Variants in ITSN1 observed in about 807,000 individuals in gnomAD.
The protein encoded by ITSN1 is intersectin 1.
Under a neutral mutation model 239.8 loss-of-function variants are expected in ITSN1, and 58 were observed. The ratio of observed to expected loss-of-function variants is 0.24; its 90% CI spans 0.20 to 0.30. ITSN1 has a LOEUF of 0.30. Among genes scored for constraint, ITSN1 ranks in the 10% least tolerant of loss-of-function variants. The pLI is 1.00. For synonymous variants in ITSN1, 780 were observed against 770.8 expected, an observed-to-expected ratio of 1.01 and a Z score of -0.20; for missense variants, 1,558 against 2,103.3, an observed-to-expected ratio of 0.74 and a Z score of 5.07.
chr21:33,827,135 C>A (rs1357548012), intron 26 of ITSN1, among the ~76,000 whole-genome samples: 1 of 152,154 alleles, frequency 6.6e-6, no homozygotes, highest in African/African-American at 2.4e-5. Flanking sequence ...CACGGTGGCT[C>A]ATGCCTGTAA....
At chr21:33,716,082 T>G (rs924160957) in intron 1 of ITSN1, among the ~76,000 whole-genome samples, 3 of 152,144 alleles carry the variant, frequency 2.0e-5, no homozygotes, top group African/African-American at 7.2e-5. Flanking sequence ...ACCACCTAAG[T>G]ACCTGCAGAG....
Position 33,885,448 on chromosome 21 carries a change from A to G in ITSN1, c.4769A>G (p.Gln1590Arg). 1.2e-6 allele frequency: 2 copies of G among 1,614,126 alleles called. No homozygotes were observed. Among genetic ancestry groups the G allele is most frequent in the Non-Finnish European group, 1.7e-6 (2 of 1,179,988 alleles). The stretch of plus-strand genomic sequence containing the variant: ...TTTCCTGCCGTCATAGTCCGTTCCC[A>G]AAGGGCAACAGGCATTGGAAGGTTG... The part of the protein sequence containing the change: ...KREKAYLVRS[Q>R]RATGIGRLMV... Residue 1590 changes from glutamine to arginine, a missense_variant, in exon 38 of 40, where the codon CAA becomes CGA. This residue lies in a region of ITSN1 where 576 missense variants were observed against 893.3 expected (regional missense o/e 0.64). Coordinates refer to ENST00000381318, the MANE Select transcript of ITSN1 (RefSeq NM_003024.3).
intron 33 of ITSN1, among the ~76,000 whole-genome samples, chr21:33,873,157 G>A (rs1403276183): frequency 6.6e-6 from 1 of 152,216 alleles, no homozygotes. Context: ...GGTTGGGGTT[G>A]TTGCTTGGAA....
chr21:33,732,499 A>T (rs921211901), intron 4 of ITSN1, among the ~76,000 whole-genome samples: 1 of 152,228 alleles, frequency 6.6e-6, no homozygotes, highest in Non-Finnish European at 1.5e-5. Flanking sequence ...CTAAACAATG[A>T]ACTCTATTAA....
At chr21:33,751,969 T>A in intron 7 of ITSN1, 63 bp downstream of exon 7, 1 of 1,061,640 alleles carries the variant, frequency 9.4e-7, no homozygotes, top group South Asian at 1.3e-5. Context: ...AAATCATAAA[T>A]TTGACCATGA....
chr21:33,728,926 ATGAC>A (rs1294835244), intron 4 of ITSN1, among the ~76,000 whole-genome samples: 1 of 152,138 alleles, frequency 6.6e-6, no homozygotes, highest in African/African-American at 2.4e-5. Flanking sequence ...ATGAGAATGA[ATGAC>A]TGGATTAGTC....
intron 1 of ITSN1, among the ~76,000 whole-genome samples, chr21:33,714,756 A>G (rs886847559): frequency 1.3e-5 from 2 of 152,184 alleles, no homozygotes; most frequent in African/African-American, 4.8e-5. Context: ...ATAGGAAGGT[A>G]GAAATGCATG....
chr21:33,703,780 A>G (rs776104838), intron 1 of ITSN1, among the ~76,000 whole-genome samples: 34 of 151,714 alleles, frequency 2.2e-4, no homozygotes, highest in Non-Finnish European at 4.0e-4. Context: ...TTAAAGGGGG[A>G]AAGTGTAAGC....
chr21:33,712,598 T>A (rs1188236464), intron 1 of ITSN1, among the ~76,000 whole-genome samples: 2 of 152,230 alleles, frequency 1.3e-5, no homozygotes, highest in Non-Finnish European at 2.9e-5. Flanking sequence ...TTTTCATTAG[T>A]TCCTTTAACC....
intron 9 of ITSN1, 101 bp downstream of exon 9, chr21:33,762,087 A>C (rs1602076399): frequency 1.2e-6 from 1 of 838,914 alleles, no homozygotes; most frequent in African/African-American, 1.7e-5. Flanking sequence ...ATGGGGGAAT[A>C]TGTAGAATTT....
chr21:33,658,857 A>G (rs1354248752), intron 1 of ITSN1, among the ~76,000 whole-genome samples: 2 of 152,218 alleles, frequency 1.3e-5, no homozygotes, highest in Non-Finnish European at 2.9e-5. Context: ...GATTCCTAGC[A>G]CATAGCTTCC....
Position 33,775,088 on chromosome 21 carries a change from C to T in ITSN1, c.1576C>T (p.His526Tyr), listed in dbSNP as rs1474434707. The change falls in exon 14 of 40, where the codon CAT becomes TAT. Residue 526 changes from histidine (H) to tyrosine (Y), a missense_variant. Coordinates refer to ENST00000381318, the MANE Select transcript of ITSN1 (RefSeq NM_003024.3). ...AGAGTTGAGAATTGCCGAAATCACCCATCTACAGCAACAATTACAGGTGAG... is the reference window on the plus strand; with the variant it reads ...AGAGTTGAGAATTGCCGAAATCACCTATCTACAGCAACAATTACAGGTGAG... ...SRELRIAEIT[H>Y]LQQQLQESQQ... 6.2e-7 allele frequency: 1 copy of T among 1,613,176 alleles called. No homozygotes were observed. The highest frequency in any genetic ancestry group is 1.3e-5 in the African/African-American group (1 of 75,016).
intron 3 of ITSN1, among the ~76,000 whole-genome samples, chr21:33,722,333 GATTA>G (rs2147103844): frequency 6.6e-6 from 1 of 152,342 alleles, no homozygotes; most frequent in East Asian, 1.9e-4. Flanking sequence ...GTTAATAGCA[GATTA>G]ATTAAAGTGG....
chr21:33,874,212 G>C (rs1189717373), intron 33 of ITSN1, among the ~76,000 whole-genome samples: 2 of 151,390 alleles, frequency 1.3e-5, no homozygotes, highest in Non-Finnish European at 2.9e-5. Flanking sequence ...ATCATGGGTG[G>C]TCTGTGGTGG....
intron 20 of ITSN1, among the ~76,000 whole-genome samples, chr21:33,807,772 C>G (rs1390347333): frequency 6.6e-6 from 1 of 152,202 alleles, no homozygotes; most frequent in African/African-American, 2.4e-5. Context: ...TCCACTTGAG[C>G]CCCTAAAGGA....
chr21:33,800,227 G>A (rs2071874303), intron 19 of ITSN1, among the ~76,000 whole-genome samples: 1 of 151,758 alleles, frequency 6.6e-6, no homozygotes, highest in Non-Finnish European at 1.5e-5. Flanking sequence ...TATATACTAT[G>A]AGTATACATA....
In ITSN1 at chr21:33,811,200, A is replaced by T; in HGVS notation, c.2545A>T (p.Asn849Tyr). 1.3e-6 allele frequency: 2 copies of T among 1,597,604 alleles called. No individual in the cohort carries two copies. Among genetic ancestry groups the T allele is most frequent in the South Asian group, 1.1e-5 (1 of 90,148 alleles). Residue 849 changes from asparagine (N) to tyrosine (Y), a missense_variant, in exon 21 of 40, where the codon AAC (asparagine) becomes TAC (tyrosine). Transcript: ENST00000381318. ...TSSEPSTTPN[N>Y]WADFSSTWPT... ...TTCAGAGCCCTCCACGACCCCTAAT[A>T]ACTGGGCCGACTTCAGCTCCACGTA...
intron 34 of ITSN1, among the ~76,000 whole-genome samples, chr21:33,881,607 C>A (rs905872569): frequency 6.6e-6 from 1 of 152,128 alleles, no homozygotes; most frequent in East Asian, 1.9e-4. Context: ...CATGCACAGA[C>A]CCTGCATAGA....
At chr21:33,887,114 C>CT (rs1985920844) in intron 39 of ITSN1, among the ~76,000 whole-genome samples, 4 of 151,750 alleles carry the variant, frequency 2.6e-5, no homozygotes, top group African/African-American at 7.3e-5. Context: ...GCCCAGGAGT[C>CT]TAAGACCAGC....
Sources: gnomAD v4.1 joint callset for allele counts (sites outside exome capture counted in the v4.1 genomes callset) on GRCh38, gnomAD v4.1.1 for gene constraint, gnomAD v4.1.1 regional missense constraint, MANE v1.5 for transcripts, NCBI Gene and HGNC (gene_info 2026-07-23, HGNC 2026-07-21) for gene names.